CORO7: variants seen among roughly 807,000 people sequenced by gnomAD.
CORO7 encodes coronin-7.
Under a neutral mutation model 126.6 loss-of-function variants are expected in CORO7, and 107 were observed. The observed-to-expected ratio is 0.85, with a 90% CI of 0.72 to 0.99. The LOEUF (loss-of-function observed/expected upper bound fraction) is 0.99. Among genes scored for constraint, CORO7 ranks in the 50% least tolerant of loss-of-function variants. The pLI is 0.00. For missense variants in CORO7, 1,314 were observed against 1,255.8 expected, an observed-to-expected ratio of 1.05 and a Z score of -0.70; for synonymous variants, 603 against 536.8, an observed-to-expected ratio of 1.12 and a Z score of -1.70.
intron 7 of CORO7, among the ~76,000 whole-genome samples, chr16:4,390,624 G>A (rs1458170783): frequency 1.3e-5 from 2 of 152,218 alleles, no homozygotes; most frequent in South Asian, 2.1e-4. Context: ...GGGTCCCCCA[G>A]GGGCTGCCAC....
intron 3 of CORO7, among the ~76,000 whole-genome samples, chr16:4,409,700 C>T (rs1488136326): frequency 6.6e-6 from 1 of 152,234 alleles, no homozygotes; most frequent in Admixed American, 6.5e-5. Context: ...GAGCGGGCCC[C>T]AGCTGCCGCC....
chr16:4,400,863 C>T (rs1431749305), intron 6 of CORO7, among the ~76,000 whole-genome samples: 3 of 151,470 alleles, frequency 2.0e-5, no homozygotes, highest in Admixed American at 6.6e-5. Flanking sequence ...ATTGAAACAA[C>T]GTACCACACT....
At chr16:4,383,222 C>A (rs909707379) in intron 9 of CORO7, 2 of 328,050 alleles carry the variant, frequency 6.1e-6, no homozygotes, top group Non-Finnish European at 1.2e-5. Context: ...CTGCTGGGCT[C>A]TCCCACTCCA....
chr16:4,404,404 TTCCTCCTCCC>T (rs1189781210), intron 6 of CORO7, among the ~76,000 whole-genome samples: 20 of 152,252 alleles, frequency 1.3e-4, no homozygotes, highest in African/African-American at 4.6e-4. Context: ...GGTCCTGGCT[TTCCTCCTCCC>T]ACCTCCTCCC....
chr16:4,401,247 G>T (rs2055793600), intron 6 of CORO7, among the ~76,000 whole-genome samples: 1 of 152,264 alleles, frequency 6.6e-6, no homozygotes, highest in South Asian at 2.1e-4. Context: ...GGTGGAGAAA[G>T]GAACTTGCTG....
intron 2 of CORO7, chr16:4,412,966 T>C: frequency 3.6e-6 from 1 of 277,026 alleles, no homozygotes; most frequent in African/African-American, 2.2e-5. Context: ...TTTCAAGCCT[T>C]TCTGTTCCTA....
intron 19 of CORO7, 29 bp from the exon 20 acceptor site, chr16:4,360,577 G>A (rs749231391): frequency 6.4e-7 from 1 of 1,566,454 alleles, no homozygotes; most frequent in Non-Finnish European, 8.6e-7. Context: ...ATGAGAGACA[G>A]CCTTGCTTCA....
intron 9 of CORO7, chr16:4,382,221 GA>G: frequency 5.0e-6 from 8 of 1,605,120 alleles, no homozygotes; most frequent in Non-Finnish European, 5.9e-6. Flanking sequence ...TGGGGCAGGG[GA>G]CACGGCCCAG....
intron 23 of CORO7, 38 bp from the exon 24 acceptor site, chr16:4,358,521 T>C (rs1336074649): frequency 3.2e-6 from 5 of 1,545,142 alleles, no homozygotes; most frequent in Non-Finnish European, 4.4e-6. Flanking sequence ...CGCTGGGACC[T>C]AGAGCTCATG....
chr16:4,414,293 T>A (rs1418393620), intron 1 of CORO7: 1 of 151,642 alleles, frequency 6.6e-6, no homozygotes, highest in African/African-American at 2.4e-5. Flanking sequence ...AGGCCTGGCC[T>A]CATCAGGACA....
In CORO7 at chr16:4,362,113, C is replaced by T. The variant is rs1272249700; in HGVS notation, c.1450G>A (p.Asp484Asn). 1.5e-5 allele frequency: 25 copies of T among 1,612,996 alleles called. No individual in the cohort carries two copies. Among genetic ancestry groups the T allele is most frequent in the Non-Finnish European group, 2.1e-5 (25 of 1,179,952 alleles). ...CCCTTGAGGTTGGTGATGTGGCTGT[C>T]TCGGTGCAGGACAGTGCCCTGAGCA... ...RHAQGTVLHR[D>N]SHITNLKGLN... Residue 484 changes from aspartate to asparagine, a missense_variant, in exon 16 of 28, where the codon GAC becomes AAC. Asp to Asn is a conservative substitution (Grantham distance 23). Coordinates refer to ENST00000251166, the MANE Select transcript of CORO7 (RefSeq NM_024535.5). This position sits in a 1 kb window ranked among gnomAD's most constrained non-coding sequence, Gnocchi z 5.3.
Position 4,364,935 on chromosome 16 carries a change from A to T in CORO7, c.899-15T>A, listed in dbSNP as rs774631327. 6.2e-7 allele frequency: 1 copy of T among 1,606,096 alleles called. No homozygotes were observed. The highest frequency in any genetic ancestry group is 8.5e-7 in the Non-Finnish European group (1 of 1,176,610). ...ACACTGGGTCACTGTTGAGGACACC[A>T]TAGGGGAACAGGCAGGATGGGCAGG... On this transcript the variant is annotated splice_polypyrimidine_tract_variant and intron_variant, in intron 11 of 27. Coordinates refer to ENST00000251166, the MANE Select transcript of CORO7 (RefSeq NM_024535.5).
chr16:4,364,840 C>G lies in CORO7; in HGVS notation c.979G>C (p.Val327Leu). The change falls in exon 12 of 28, where the codon GTA (valine) becomes CTA (leucine). Residue 327 changes from valine to leucine, a missense_variant. Coordinates refer to ENST00000251166, the MANE Select transcript of CORO7 (RefSeq NM_024535.5). ...RQALAVMSCEVLRVLQLSDTA... is the reference protein window; with the variant it reads ...RQALAVMSCELLRVLQLSDTA... ...TCGCTCAGCTGTAGGACGCGGAGTA[C>G]CTCGCAGCTCATGACGGCCAGCGCC... The G allele has an allele frequency of 6.2e-7, 1 of 1,612,208 alleles. No homozygotes were observed. Among genetic ancestry groups the G allele is most frequent in the South Asian group, 1.1e-5 (1 of 90,974 alleles).
At chr16:4,405,440 C>A in intron 6 of CORO7, 51 bp downstream of exon 6, 1 of 1,569,088 alleles carries the variant, frequency 6.4e-7, no homozygotes, top group Non-Finnish European at 8.7e-7. Flanking sequence ...GGGGTCCCAG[C>A]CCAGGAGGCC....
In CORO7 at chr16:4,384,625, C is replaced by T. The variant is rs535952863; in HGVS notation, c.785+3361G>A. ...GTGGCGCGGGTGTTGATGTCAGTGC[C>T]GAGTCAGGCCCAGCCACGCGAGGCT... On this transcript the variant is annotated intron_variant, in intron 9 of 27. Coordinates refer to ENST00000251166, the MANE Select transcript of CORO7 (RefSeq NM_024535.5). Among the ~76,000 whole-genome samples, 8 of 152,300 alleles carry T rather than the reference C, an allele frequency of 5.3e-5. No individual in the cohort carries two copies. In the East Asian group the frequency reaches 1.2e-3, roughly 22 times the overall value.
At chr16:4,399,041 T>C (rs1459664412) in intron 6 of CORO7, among the ~76,000 whole-genome samples, 2 of 151,310 alleles carry the variant, frequency 1.3e-5, no homozygotes, top group African/African-American at 4.9e-5. Flanking sequence ...GTTGATGGGA[T>C]TGTAAAATGG....
At chr16:4,409,379 G>A (rs2056119338) in intron 3 of CORO7, among the ~76,000 whole-genome samples, 1 of 152,238 alleles carries the variant, frequency 6.6e-6, no homozygotes, top group Admixed American at 6.5e-5. Context: ...GGCAAAGCAG[G>A]TCCCTGGGCA....
rs539527661 is a variant in CORO7, at chr16:4,383,918, G to C, written c.785+4068C>G. Among the ~76,000 whole-genome samples, 24 of 152,300 alleles carry C rather than the reference G, an allele frequency of 1.6e-4. No homozygotes were observed. The East Asian group carries it at 4.6e-3, about 29-fold the overall frequency. On this transcript the variant is annotated intron_variant, in intron 9 of 27. Transcript: ENST00000251166. Reference sequence around the variant, plus strand: ...AGGGCCCTGGGCTCTCTCATTCCAGGCCTCATGGATGGTCCCGGGAGCAAG... The same window carrying C: ...AGGGCCCTGGGCTCTCTCATTCCAGCCCTCATGGATGGTCCCGGGAGCAAG...
At position 4,405,889 on chromosome 16, in the gene CORO7, T is replaced by G. The variant is rs567565198; in HGVS notation, c.488-322A>C. On this transcript the variant is annotated intron_variant, in intron 5 of 27. Transcript: ENST00000251166. Reference sequence around the variant, plus strand: ...CAGGGTCACTCCTGCCCTAAGCCTCTATTCCTGCCATCTATACTCTCCCTC... The same window carrying G: ...CAGGGTCACTCCTGCCCTAAGCCTCGATTCCTGCCATCTATACTCTCCCTC... 2.0e-5 allele frequency among the ~76,000 whole-genome samples: 3 copies of G among 152,282 alleles called. No individual in the cohort carries two copies. In the East Asian group the frequency reaches 5.8e-4, roughly 29 times the overall value.
Sources: allele counts gnomAD v4.1 joint callset (sites outside exome capture counted in the v4.1 genomes callset), GRCh38; gene constraint gnomAD v4.1.1; non-coding constraint Gnocchi (gnomAD v3.1); transcripts MANE v1.5; gene names NCBI Gene and HGNC (gene_info 2026-07-23, HGNC 2026-07-21).